Variants in FBXO42 observed in about 807,000 individuals in gnomAD.
FBXO42 encodes F-box protein 42, also known as F-box only protein 42.
FBXO42 carries 12 observed loss-of-function variants against 71.7 expected under a neutral mutation model. That is an observed-to-expected ratio of 0.17 (90% CI 0.11 to 0.27). The LOEUF (loss-of-function observed/expected upper bound fraction) is 0.27. FBXO42 is among the 10% of genes least tolerant of loss of function. The probability of loss-of-function intolerance (pLI) is 1.00; values close to 1 mark genes in which losing one functional copy is unlikely to be tolerated. For missense variants in FBXO42, 707 were observed against 911.9 expected (o/e 0.78, Z 2.89); for synonymous variants, 325 against 327.5 (o/e 0.99, Z 0.08).
intron 1 of FBXO42, among the ~76,000 whole-genome samples, chr1:16,322,322 A>T (rs2082415352): frequency 1.3e-5 from 2 of 152,196 alleles, no homozygotes; most frequent in Admixed American, 1.3e-4. Flanking sequence ...TCACACCTGT[A>T]ATCCCAGCAC....
chr1:16,346,346 G>A (rs1246709799), intron 1 of FBXO42, among the ~76,000 whole-genome samples: 2 of 152,020 alleles, frequency 1.3e-5, no homozygotes, highest in African/African-American at 2.4e-5. Context: ...ACCAAAACAC[G>A]CTTGCCTTTA....
At position 16,315,263 on chromosome 1, in the gene FBXO42, T is replaced by G. The variant is rs1333564779; in HGVS notation, c.156A>C (p.Glu52Asp). The G allele has an allele frequency of 6.2e-7, 1 of 1,614,152 alleles. No individual in the cohort carries two copies. Among genetic ancestry groups the G allele is most frequent in the Admixed American group, 1.7e-5 (1 of 60,004 alleles). The change falls in exon 2 of 10, where the codon GAA (glutamate) becomes GAC (aspartate). Residue 52 changes from glutamate to aspartate, a missense_variant. By Grantham distance (45) the Glu-to-Asp change is conservative. Transcript: ENST00000375592. ...RHNRSMSELP[E>D]EVLEYILSFL... is the part of the protein sequence containing the mutation. Reference sequence around the variant, plus strand: ...AGGACAGGATATACTCCAAAACCTCTTCTGGCAGCTCCGACATGGACCTAT... The same window carrying G: ...AGGACAGGATATACTCCAAAACCTCGTCTGGCAGCTCCGACATGGACCTAT...
intron 1 of FBXO42, among the ~76,000 whole-genome samples, chr1:16,319,256 C>T (rs1410856453): frequency 6.6e-6 from 1 of 152,194 alleles, no homozygotes; most frequent in African/African-American, 2.4e-5. Flanking sequence ...GAGCAGAGAA[C>T]AGAAACCTCC....
intron 4 of FBXO42, among the ~76,000 whole-genome samples, chr1:16,272,519 A>G (rs1285657329): frequency 6.6e-6 from 1 of 152,096 alleles, no homozygotes; most frequent in Non-Finnish European, 1.5e-5. Flanking sequence ...TTGGCCTCCC[A>G]AAGTGCTGGG....
chr1:16,303,018 G>C (rs565315005), intron 3 of FBXO42, among the ~76,000 whole-genome samples: 1 of 152,146 alleles, frequency 6.6e-6, no homozygotes, highest in East Asian at 1.9e-4. Context: ...TCAGGGGTTC[G>C]AGACCAGTCT....
chr1:16,303,012 G>A (rs538369989), intron 3 of FBXO42, among the ~76,000 whole-genome samples: 19 of 152,156 alleles, frequency 1.2e-4, no homozygotes, highest in African/African-American at 4.1e-4. Context: ...TTGAGCTCAG[G>A]GGTTCGAGAC....
At position 16,252,430 on chromosome 1, in the gene FBXO42, G is replaced by A. The variant is rs1375501397; in HGVS notation, c.922-26C>T. ...CTGTAAGAGAAAAAACCAATAACAA[G>A]ACTCAGGTGTGATATGCGTTCCAAA... On this transcript the variant is annotated intron_variant, in intron 8 of 9. Coordinates refer to ENST00000375592, the MANE Select transcript of FBXO42 (RefSeq NM_018994.3). This position sits in a 1 kb window ranked among gnomAD's most constrained non-coding sequence, Gnocchi z 4.4. 6.4e-7 allele frequency: 1 copy of A among 1,573,412 alleles called. No individual in the cohort carries two copies. The highest frequency in any genetic ancestry group is 1.1e-5 in the South Asian group (1 of 90,246).
chr1:16,326,036 GTGTGTGTGTGTGTC>G (rs936152163), intron 1 of FBXO42, among the ~76,000 whole-genome samples: 4 of 150,706 alleles, frequency 2.7e-5, no homozygotes, highest in African/African-American at 9.7e-5. Flanking sequence ...GTGTGTGTGT[GTGTGTGTGTGTGTC>G]TGTGTGTGTC....
chr1:16,281,582 C>T (rs902672879), intron 4 of FBXO42, among the ~76,000 whole-genome samples: 6 of 151,176 alleles, frequency 4.0e-5, no homozygotes, highest in African/African-American at 9.7e-5. Flanking sequence ...AATTCTTGTG[C>T]CTCGGACTCT....
intron 1 of FBXO42, among the ~76,000 whole-genome samples, chr1:16,337,916 A>G (rs1317400335): frequency 7.6e-6 from 1 of 132,320 alleles, no homozygotes; most frequent in African/African-American, 2.8e-5. Context: ...AAAAAAAAAA[A>G]GAATAATAGG....
chr1:16,305,022 G>A (rs190106432), intron 3 of FBXO42, among the ~76,000 whole-genome samples: 1 of 152,214 alleles, frequency 6.6e-6, no homozygotes, highest in East Asian at 1.9e-4. Flanking sequence ...ATATATTTAG[G>A]CTGACACTTT....
intron 3 of FBXO42, among the ~76,000 whole-genome samples, chr1:16,298,616 TC>T (rs1279209757): frequency 6.6e-6 from 1 of 151,926 alleles, no homozygotes; most frequent in South Asian, 2.1e-4. Context: ...TTCAAGTGAT[TC>T]TCCTGCCTCA....
chr1:16,281,311 A>G (rs2081961057), intron 4 of FBXO42, among the ~76,000 whole-genome samples: 1 of 152,046 alleles, frequency 6.6e-6, no homozygotes, highest in Admixed American at 6.6e-5. Flanking sequence ...CATCCTATTG[A>G]GTTGATATGA....
intron 2 of FBXO42, 146 bp downstream of exon 2, chr1:16,315,023 T>C: frequency 2.5e-6 from 2 of 792,848 alleles, no homozygotes; most frequent in Non-Finnish European, 3.9e-6. Context: ...CTAACCAGGG[T>C]AAGAAAGAAA....
intron 5 of FBXO42, 139 bp downstream of exon 5, chr1:16,256,467 G>A (rs2081646293): frequency 1.2e-6 from 1 of 840,988 alleles, no homozygotes; most frequent in South Asian, 1.9e-5. Flanking sequence ...CTGTGAATAT[G>A]TGCATTTTTC....
rs562280945 is a variant in FBXO42, at chr1:16,346,408, G to T, written c.-18+5847C>A. Among the ~76,000 whole-genome samples, 5 of 152,194 alleles carry T rather than the reference G, an allele frequency of 3.3e-5. No individual in the cohort carries two copies. The East Asian group carries it at 7.8e-4, about 24-fold the overall frequency. On this transcript the variant is annotated intron_variant, in intron 1 of 9. Coordinates refer to ENST00000375592, the MANE Select transcript of FBXO42 (RefSeq NM_018994.3). ...CTATTTATTACTAGAAAATAAGAGAGCGAGGCGTAGTGGCTCACACCTGTA... is the reference window on the plus strand; with the variant it reads ...CTATTTATTACTAGAAAATAAGAGATCGAGGCGTAGTGGCTCACACCTGTA...
Position 16,271,258 on chromosome 1 carries a change from GGTGTGTGTGTGTGT to G in FBXO42, c.503-14513_503-14500del, listed in dbSNP as rs57827739. ...TAACTACTGTGTGCGTGTGTGTGTTGGTGTGTGTGTGTGTGTGTGTGTGTGTGTGTGTGTGTGTG... is the reference window on the plus strand; with the variant it reads ...TAACTACTGTGTGCGTGTGTGTGTTGGTGTGTGTGTGTGTGTGTGTGTGTG... On this transcript the variant is annotated intron_variant, in intron 4 of 9. Transcript: ENST00000375592. Among the ~76,000 whole-genome samples, 1,158 of 137,492 alleles carry G rather than the reference GGTGTGTGTGTGTGT, an allele frequency of 8.4e-3. 12 individuals carry two copies. The highest frequency in any genetic ancestry group is 0.026 in the African/African-American group (947 of 36,636). The allele number at this position is 137,492 out of a possible 152,430, so 90.2% of individuals were successfully genotyped here. A position where few individuals can be genotyped will look rare whatever the true frequency, so the allele number is the denominator to read the frequency against.
chr1:16,318,585 CATT>C (rs1013366904), intron 1 of FBXO42, among the ~76,000 whole-genome samples: 4 of 152,108 alleles, frequency 2.6e-5, no homozygotes, highest in Admixed American at 6.6e-5. Flanking sequence ...ACTCCTATGA[CATT>C]ATACACAAAG....
At chr1:16,274,852 A>G (rs991294155) in intron 4 of FBXO42, among the ~76,000 whole-genome samples, 3 of 151,874 alleles carry the variant, frequency 2.0e-5, no homozygotes, top group Non-Finnish European at 2.9e-5. Context: ...AGCCTCCCAC[A>G]GTGCTGGGAT....
Sources: allele counts gnomAD v4.1 joint callset (sites outside exome capture counted in the v4.1 genomes callset), GRCh38; gene constraint gnomAD v4.1.1; non-coding constraint Gnocchi (gnomAD v3.1); transcripts MANE v1.5; gene names NCBI Gene and HGNC (gene_info 2026-07-23, HGNC 2026-07-21).